Variants in MRC1 observed in about 807,000 individuals in gnomAD.
MRC1 encodes macrophage mannose receptor 1.
In MRC1, 62 loss-of-function variants were observed where a neutral mutation model predicts 102.9. That is an observed-to-expected ratio of 0.60 (90% confidence interval 0.49 to 0.74). The LOEUF is 0.74. MRC1 is among the 30% of genes least tolerant of loss of function. The pLI is 0.00. For synonymous variants in MRC1, 457 were observed against 298.4 expected (o/e 1.53, Z -5.48); for missense variants, 1,237 against 862.8 (o/e 1.43, Z -5.43).
chr10:17,809,435 A>C lies in MRC1; in HGVS notation c.-31A>C, dbSNP rs934214462. ...GCGTCTTAGTTCCGCCCTCCTGTCC[A>C]TCAGGAGAAGGAAAGGATAAACCCT... On this transcript the variant is annotated 5_prime_UTR_variant, in exon 1 of 30. Transcript: ENST00000569591. 2.3e-6 allele frequency: 2 copies of C among 872,290 alleles called. No individual in the cohort carries two copies. Among genetic ancestry groups the C allele is most frequent in the South Asian group, 1.3e-5 (1 of 76,516 alleles). 54.0% of individuals were successfully genotyped at this position (872,290 alleles called of 1,614,324 possible). A position where few individuals can be genotyped will look rare whatever the true frequency, so the allele number is the denominator to read the frequency against.
intron 2 of MRC1, among the ~76,000 whole-genome samples, 185 bp downstream of exon 2, chr10:17,823,660 A>T (rs1341904920): frequency 1.3e-5 from 2 of 152,222 alleles, no homozygotes; most frequent in Non-Finnish European, 2.9e-5. Context: ...AAATGTGATT[A>T]AAAAGTCCTG....
intron 15 of MRC1, 31 bp downstream of exon 15, chr10:17,872,157 G>T (rs1361298496): frequency 1.3e-6 from 1 of 780,126 alleles, no homozygotes; most frequent in African/African-American, 1.7e-5. Flanking sequence ...CTTTATCTCA[G>T]CTTGGTAGAC....
At chr10:17,837,600 T>TTTTTATTTTA (rs1345003988) in intron 4 of MRC1, among the ~76,000 whole-genome samples, 9 of 151,898 alleles carry the variant, frequency 5.9e-5, no homozygotes, top group East Asian at 3.9e-4. Flanking sequence ...AGTCTGTATC[T>TTTTTATTTTA]TTTTATTTTA....
chr10:17,832,777 G>A (rs1286839604), intron 3 of MRC1, among the ~76,000 whole-genome samples: 1 of 151,592 alleles, frequency 6.6e-6, no homozygotes, highest in Admixed American at 6.6e-5. Context: ...TTTTAATAGA[G>A]ATGGGGTTTC....
chr10:17,910,826 C>A lies in MRC1; in HGVS notation c.*361C>A. 1 of 231,644 alleles carries A rather than the reference C, an allele frequency of 4.3e-6. No individual in the cohort carries two copies. The highest frequency in any genetic ancestry group is 8.5e-6 in the Non-Finnish European group (1 of 117,398). The allele number at this position is 231,644 out of a possible 1,614,324, so 14.3% of individuals were successfully genotyped here. A position where few individuals can be genotyped will look rare whatever the true frequency, so the allele number is the denominator to read the frequency against. On this transcript the variant is annotated 3_prime_UTR_variant, in exon 30 of 30. Transcript: ENST00000569591. ...TTTAAGGAGCTCCCAAAATGTGTTA[C>A]CTATTAAATTGTAACTCAGCAAGTA...
chr10:17,847,658 TAGC>T (rs1838845513), intron 6 of MRC1, among the ~76,000 whole-genome samples: 1 of 152,254 alleles, frequency 6.6e-6, no homozygotes, highest in Non-Finnish European at 1.5e-5. Flanking sequence ...CTCTCTGGCT[TAGC>T]AGCCACTTAA....
At chr10:17,822,299 C>T (rs1838407568) in intron 1 of MRC1, among the ~76,000 whole-genome samples, 1 of 152,122 alleles carries the variant, frequency 6.6e-6, no homozygotes, top group South Asian at 2.1e-4. Flanking sequence ...ACAAATAATA[C>T]CAAAATGTGT....
chr10:17,887,342 G>A lies in MRC1; in HGVS notation c.3147+1907G>A, dbSNP rs1028431157. 1.5e-4 allele frequency among the ~76,000 whole-genome samples: 23 copies of A among 152,314 alleles called. No individual in the cohort carries two copies. The East Asian group carries it at 4.4e-3, about 29-fold the overall frequency. On this transcript the variant is annotated intron_variant, in intron 22 of 29. Coordinates refer to ENST00000569591, the MANE Select transcript of MRC1 (RefSeq NM_002438.4). The stretch of plus-strand genomic sequence containing the variant: ...GGAGGCGGAGCTTGTAGTGAGCCGA[G>A]ATCGCGCCACTGCACTCCAGCCTGG...
At chr10:17,902,755 C>T (rs1833845351) in intron 26 of MRC1, among the ~76,000 whole-genome samples, 1 of 152,156 alleles carries the variant, frequency 6.6e-6, no homozygotes, top group African/African-American at 2.4e-5. Context: ...TTTCAAAAGT[C>T]AACCTGACTT....
rs1838502581 is a variant in MRC1, at chr10:17,827,737, G to T, written c.637+22G>T. 4 of 780,430 alleles carry T rather than the reference G, an allele frequency of 5.1e-6. No individual in the cohort carries two copies. In the African/African-American group the frequency reaches 6.8e-5, roughly 13 times the overall value. 48.3% of individuals were successfully genotyped at this position (780,430 alleles called of 1,614,324 possible). A position where few individuals can be genotyped will look rare whatever the true frequency, so the allele number is the denominator to read the frequency against. On this transcript the variant is annotated intron_variant, in intron 3 of 29. Transcript: ENST00000569591. Reference sequence around the variant, plus strand: ...AAATGTAAGTACTGTTTATCACCAAGAAAAGTTGGGCACATTTAGTCTGAT... The same window carrying T: ...AAATGTAAGTACTGTTTATCACCAATAAAAGTTGGGCACATTTAGTCTGAT...
intron 7 of MRC1, among the ~76,000 whole-genome samples, chr10:17,850,455 A>G (rs1838897928): frequency 6.6e-6 from 1 of 152,066 alleles, no homozygotes; most frequent in Non-Finnish European, 1.5e-5. Context: ...AATTTTTTTT[A>G]AAGAAATGTA....
At chr10:17,831,413 C>T (rs945514942) in intron 3 of MRC1, among the ~76,000 whole-genome samples, 1 of 151,252 alleles carries the variant, frequency 6.6e-6, no homozygotes, top group Non-Finnish European at 1.5e-5. Context: ...AGTTAAAGCA[C>T]CTTAAAAATT....
intron 3 of MRC1, among the ~76,000 whole-genome samples, chr10:17,832,934 C>T (rs1347687908): frequency 6.6e-6 from 1 of 152,104 alleles, no homozygotes; most frequent in Non-Finnish European, 1.5e-5. Context: ...AGATGTCTTG[C>T]ATGCATATAT....
At chr10:17,891,257 C>T (rs1285013707) in intron 22 of MRC1, among the ~76,000 whole-genome samples, 3 of 151,710 alleles carry the variant, frequency 2.0e-5, no homozygotes, top group African/African-American at 7.3e-5. Flanking sequence ...AGCACCGCCT[C>T]CCGGGTTCAC....
chr10:17,828,133 G>A (rs1838510338), intron 3 of MRC1, among the ~76,000 whole-genome samples: 1 of 152,140 alleles, frequency 6.6e-6, no homozygotes, highest in Non-Finnish European at 1.5e-5. Context: ...CTGGAGTGTG[G>A]TGGTGCGATC....
chr10:17,864,827 C>CAAA lies in MRC1; in HGVS notation c.1783+1165_1783+1167dup, dbSNP rs34931364. 2.4e-3 allele frequency among the ~76,000 whole-genome samples: 193 copies of CAAA among 80,494 alleles called. 4 individuals carry two copies. The highest frequency in any genetic ancestry group is 8.0e-3 in the African/African-American group (168 of 20,930). The allele number at this position is 80,494 out of a possible 152,430, so 52.8% of individuals were successfully genotyped here. Reference sequence around the variant, plus strand: ...CTGGGTGACAAGAACAAAACTCCATCAAAAAAAAAAAAAAAAAAAAAAGCA... The same window carrying CAAA: ...CTGGGTGACAAGAACAAAACTCCATCAAAAAAAAAAAAAAAAAAAAAAAAAGCA... On this transcript the variant is annotated intron_variant, in intron 11 of 29. Coordinates refer to ENST00000569591, the MANE Select transcript of MRC1 (RefSeq NM_002438.4).
chr10:17,838,398 G>A (rs1183679339), intron 4 of MRC1, among the ~76,000 whole-genome samples: 2 of 152,136 alleles, frequency 1.3e-5, no homozygotes, highest in African/African-American at 4.8e-5. Context: ...GACGCTCTAT[G>A]GAGTCTCTGA....
In MRC1 at chr10:17,881,228, C is replaced by T. The variant is rs908627138; in HGVS notation, c.2980+47C>T. 381 of 767,444 alleles carry T rather than the reference C, an allele frequency of 5.0e-4. No homozygotes were observed. The African/African-American group carries it at 5.7e-3, about 11-fold the overall frequency. 47.5% of individuals were successfully genotyped at this position (767,444 alleles called of 1,614,324 possible). On this transcript the variant is annotated intron_variant, in intron 21 of 29. Transcript: ENST00000569591. ...TAGTTGTGTGTTTAAATATGGAATT[C>T]TGACTGCAAAATGGTAAAATATTGC...
At chr10:17,887,962 C>T (rs1386991848) in intron 22 of MRC1, among the ~76,000 whole-genome samples, 2 of 152,134 alleles carry the variant, frequency 1.3e-5, no homozygotes, top group Non-Finnish European at 2.9e-5. Context: ...ACCACCACAC[C>T]TGGCTAATTT....
Sources: gnomAD v4.1 joint callset for allele counts (sites outside exome capture counted in the v4.1 genomes callset) on GRCh38, gnomAD v4.1.1 for gene constraint, MANE v1.5 for transcripts, NCBI Gene and HGNC (gene_info 2026-07-23, HGNC 2026-07-21) for gene names.